The following CYTH1 variants were observed in gnomAD, a reference collection of about 807,000 sequenced individuals.
CYTH1 encodes the protein cytohesin-1.
In CYTH1, 18 loss-of-function variants were observed where a neutral mutation model predicts 61.8. The observed-to-expected ratio is 0.29, with a 90% confidence interval of 0.20 to 0.43. The LOEUF (loss-of-function observed/expected upper bound fraction) is 0.43, where lower values mean the gene tolerates loss of function less well. Ranked by LOEUF, CYTH1 falls within the 20% of genes least tolerant of loss-of-function variation. The pLI is 1.00. For missense variants in CYTH1, 336 were observed against 510.5 expected, an observed-to-expected ratio of 0.66 and a Z score of 3.29; for synonymous variants, 174 against 184.3, an observed-to-expected ratio of 0.94 and a Z score of 0.45.
At chr17:78,774,295 A>C (rs1296272541) in intron 1 of CYTH1, among the ~76,000 whole-genome samples, 1 of 152,246 alleles carries the variant, frequency 6.6e-6, no homozygotes, top group African/African-American at 2.4e-5. Context: ...CTTATGTTCC[A>C]GATTTTCTAA....
In CYTH1 at chr17:78,775,972, T is replaced by C. The variant is rs372956346; in HGVS notation, c.22+6230A>G. 9.2e-5 allele frequency among the ~76,000 whole-genome samples: 14 copies of C among 152,078 alleles called. 4 individuals are homozygous for C. The highest frequency in any genetic ancestry group is 1.3e-4 in the Admixed American group (2 of 15,276). On this transcript the variant is annotated intron_variant, in intron 1 of 13. Coordinates refer to ENST00000446868, the MANE Select transcript of CYTH1 (RefSeq NM_004762.6). ...GAGTTTGAGATCAGCCTGGCCAACATGGTGAAACCTCGTCTCTACTAAAAA... is the reference window on the plus strand; with the variant it reads ...GAGTTTGAGATCAGCCTGGCCAACACGGTGAAACCTCGTCTCTACTAAAAA...
rs143973045 is a variant in CYTH1, at chr17:78,718,850, G to C, written c.23-9118C>G. Among the ~76,000 whole-genome samples the C allele has an allele frequency of 2.8e-4, 43 of 152,180 alleles. No homozygotes were observed. The Middle Eastern group carries it at 0.02, about 72-fold the overall frequency. On this transcript the variant is annotated intron_variant, in intron 1 of 13. Coordinates refer to ENST00000446868, the MANE Select transcript of CYTH1 (RefSeq NM_004762.6). Reference sequence around the variant, plus strand: ...AATAGGTGCCCAACAAATGCCAAATGTCTTTCCTTTATCTGCATACCCAAT... The same window carrying C: ...AATAGGTGCCCAACAAATGCCAAATCTCTTTCCTTTATCTGCATACCCAAT...
At chr17:78,773,558 G>A (rs550678415) in intron 1 of CYTH1, among the ~76,000 whole-genome samples, 2 of 151,780 alleles carry the variant, frequency 1.3e-5, no homozygotes, top group East Asian at 3.9e-4. Context: ...GAACCCGGGA[G>A]GCAGATGTTG....
chr17:78,776,943 T>C (rs2093494014), intron 1 of CYTH1, among the ~76,000 whole-genome samples: 1 of 150,330 alleles, frequency 6.7e-6, no homozygotes, highest in Non-Finnish European at 1.5e-5. Flanking sequence ...CTGACCAACA[T>C]GGAGAAACCC....
At chr17:78,695,438 T>C (rs2092928876) in intron 10 of CYTH1, among the ~76,000 whole-genome samples, 1 of 152,188 alleles carries the variant, frequency 6.6e-6, no homozygotes, top group South Asian at 2.1e-4. Flanking sequence ...TTTCCCCTTT[T>C]CGTGCAAAGG....
chr17:78,690,303 A>T (rs2092866761), intron 11 of CYTH1, among the ~76,000 whole-genome samples: 1 of 140,726 alleles, frequency 7.1e-6, no homozygotes, highest in African/African-American at 2.6e-5. Flanking sequence ...CCGAGGCAGG[A>T]GAATGGCGTG....
intron 1 of CYTH1, among the ~76,000 whole-genome samples, chr17:78,765,386 A>G (rs1349809577): frequency 1.3e-5 from 2 of 152,226 alleles, no homozygotes; most frequent in African/African-American, 4.8e-5. Flanking sequence ...AATTCTAAAA[A>G]TCTTTTTAGA....
At chr17:78,704,461 C>T (rs1485034415) in intron 3 of CYTH1, among the ~76,000 whole-genome samples, 2 of 152,106 alleles carry the variant, frequency 1.3e-5, no homozygotes, top group African/African-American at 4.8e-5. Flanking sequence ...CATGTGTTCT[C>T]TAGCTAAATC....
chr17:78,691,099 G>A lies in CYTH1; in HGVS notation c.891+1318C>T, dbSNP rs567838335. 5.3e-5 allele frequency among the ~76,000 whole-genome samples: 8 copies of A among 152,342 alleles called. No individual in the cohort carries two copies. In the South Asian group the frequency reaches 1.7e-3, roughly 32 times the overall value. ...TTATTATTTTGCAGATATTTGAAGTGTATTACTCTCATATGAAAAGACTAT... is the reference window on the plus strand; with the variant it reads ...TTATTATTTTGCAGATATTTGAAGTATATTACTCTCATATGAAAAGACTAT... On this transcript the variant is annotated intron_variant, in intron 11 of 13. Coordinates refer to ENST00000446868, the MANE Select transcript of CYTH1 (RefSeq NM_004762.6).
chr17:78,727,900 G>T (rs2093274849), intron 1 of CYTH1: 1 of 341,116 alleles, frequency 2.9e-6, no homozygotes. Context: ...GCAGAAGGCA[G>T]GCCAAGCTCT....
chr17:78,757,851 G>A (rs2093407892), intron 1 of CYTH1, among the ~76,000 whole-genome samples: 1 of 151,796 alleles, frequency 6.6e-6, no homozygotes, highest in South Asian at 2.1e-4. Context: ...GGTGGAGGTT[G>A]CAGTGAGCCA....
chr17:78,777,246 C>T lies in CYTH1; in HGVS notation c.22+4956G>A, dbSNP rs191936142. Among the ~76,000 whole-genome samples, 20 of 151,814 alleles carry T rather than the reference C, an allele frequency of 1.3e-4. No homozygotes were observed. The East Asian group carries it at 2.9e-3, about 22-fold the overall frequency. The stretch of plus-strand genomic sequence containing the variant: ...CATCCTGGCTAACATGGTGAAACGC[C>T]GTCTCTACTAAAAATACAAAAATTT... On this transcript the variant is annotated intron_variant, in intron 1 of 13. Coordinates refer to ENST00000446868, the MANE Select transcript of CYTH1 (RefSeq NM_004762.6).
At chr17:78,741,391 C>G (rs1263663647) in intron 1 of CYTH1, among the ~76,000 whole-genome samples, 1 of 150,896 alleles carries the variant, frequency 6.6e-6, no homozygotes, top group Non-Finnish European at 1.5e-5. Flanking sequence ...AAATAAATGA[C>G]AGTAGAAAAA....
At chr17:78,705,077 A>G (rs921501148) in intron 3 of CYTH1, among the ~76,000 whole-genome samples, 12 of 152,214 alleles carry the variant, frequency 7.9e-5, no homozygotes, top group Non-Finnish European at 1.5e-4. Context: ...CAAATACCAC[A>G]AGGAAGGCCT....
chr17:78,751,021 T>C (rs983376499), intron 1 of CYTH1, among the ~76,000 whole-genome samples: 4 of 152,078 alleles, frequency 2.6e-5, no homozygotes, highest in African/African-American at 9.7e-5. Context: ...TCTCACTCTG[T>C]CACCCAGGCT....
At chr17:78,732,670 G>A (rs1032661329) in intron 1 of CYTH1, among the ~76,000 whole-genome samples, 26 of 152,336 alleles carry the variant, frequency 1.7e-4, no homozygotes, top group South Asian at 1.7e-3. Flanking sequence ...CCATAAGGAA[G>A]GGAGTGAGAA....
intron 1 of CYTH1, among the ~76,000 whole-genome samples, chr17:78,767,848 GC>G (rs1480148604): frequency 6.6e-6 from 1 of 152,176 alleles, no homozygotes; most frequent in Non-Finnish European, 1.5e-5. Flanking sequence ...ACTTGAAAAT[GC>G]CAGAATGCAG....
intron 1 of CYTH1, among the ~76,000 whole-genome samples, chr17:78,745,569 T>A (rs966150811): frequency 6.6e-6 from 1 of 152,126 alleles, no homozygotes; most frequent in Non-Finnish European, 1.5e-5. Context: ...AAAAGATTGT[T>A]AAAAGATTGA....
chr17:78,707,252 G>A (rs926373973), intron 3 of CYTH1, among the ~76,000 whole-genome samples: 1 of 152,166 alleles, frequency 6.6e-6, no homozygotes, highest in African/African-American at 2.4e-5. Flanking sequence ...AAGCCAGACA[G>A]GAAGACTTAG....
Sources: gnomAD v4.1 joint callset for allele counts (sites outside exome capture counted in the v4.1 genomes callset) on GRCh38, gnomAD v4.1.1 for gene constraint, MANE v1.5 for transcripts, NCBI Gene and HGNC (gene_info 2026-07-23, HGNC 2026-07-21) for gene names.